Variants in NDRG4 observed in about 807,000 individuals in gnomAD.
The protein encoded by NDRG4 is protein NDRG4.
In NDRG4, 38 loss-of-function variants were observed where a neutral mutation model predicts 55.8. The observed-to-expected ratio is 0.68, with a 90% CI of 0.53 to 0.89. The LOEUF (loss-of-function observed/expected upper bound fraction) is 0.89. Ranked by LOEUF, NDRG4 falls within the 40% of genes least tolerant of loss-of-function variation. The probability of loss-of-function intolerance (pLI) is 0.00; values close to 1 mark genes in which losing one functional copy is unlikely to be tolerated. For missense variants in NDRG4, 455 were observed against 468.6 expected (o/e 0.97, Z 0.27); for synonymous variants, 190 against 182.7 (o/e 1.04, Z -0.32).
rs1315216618 is a variant in NDRG4 at position 58,470,468 on chromosome 16, C to G, written c.-24+6671C>G. On this transcript the variant is annotated intron_variant, in intron 1 of 15. Transcript: ENST00000258187. ...GGCTGTGTTGGGCTGAATAATAGCC[C>G]CCAAAGATATCCTAATCACTAGAAC... Among the ~76,000 whole-genome samples, 4 of 152,234 alleles carry G rather than the reference C, an allele frequency of 2.6e-5. No individual in the cohort carries two copies. In the East Asian group the frequency reaches 7.7e-4, roughly 29 times the overall value.
chr16:58,474,817 G>T (rs1169034444), intron 1 of NDRG4, among the ~76,000 whole-genome samples: 10 of 152,208 alleles, frequency 6.6e-5, no homozygotes, highest in African/African-American at 2.2e-4. Context: ...AATGGGGAAG[G>T]GAGGTTTCCC....
intron 1 of NDRG4, among the ~76,000 whole-genome samples, chr16:58,471,355 C>T (rs2151568398): frequency 6.6e-6 from 1 of 152,098 alleles, no homozygotes; most frequent in Admixed American, 6.5e-5. Flanking sequence ...GTGCAGATCA[C>T]ACTCAGGCCT....
chr16:58,467,584 G>GT (rs1428546163), intron 1 of NDRG4, among the ~76,000 whole-genome samples: 2 of 152,156 alleles, frequency 1.3e-5, no homozygotes, highest in East Asian at 3.8e-4. Context: ...TGCCAGTGAA[G>GT]TCAGTGACTT....
chr16:58,505,713 C>CTTTTTTTTTTT (rs1028370131), intron 5 of NDRG4, among the ~76,000 whole-genome samples: 6 of 58,660 alleles, frequency 1.0e-4, no homozygotes, highest in African/African-American at 3.1e-4. Flanking sequence ...GCTTCATTTT[C>CTTTTTTTTTTT]TTTTTTTTTT....
At chr16:58,503,988 T>C (rs2037508164) in intron 2 of NDRG4, 85 bp downstream of exon 2, 1 of 1,491,778 alleles carries the variant, frequency 6.7e-7, no homozygotes, top group Non-Finnish European at 9.3e-7. Flanking sequence ...CACAGGGCCC[T>C]GTCAGCCCCA....
At chr16:58,490,607 C>G (rs920594399) in intron 2 of NDRG4, among the ~76,000 whole-genome samples, 6 of 152,218 alleles carry the variant, frequency 3.9e-5, no homozygotes, top group African/African-American at 1.4e-4. Flanking sequence ...GTGGAGGCTT[C>G]TTCCCTCTTT....
At chr16:58,506,137 T>G in intron 5 of NDRG4, 1 of 576,968 alleles carries the variant, frequency 1.7e-6, no homozygotes, top group Non-Finnish European at 3.1e-6. Flanking sequence ...AAAGAGCGTG[T>G]GTGTGTGTGT....
chr16:58,491,842 C>T (rs1487234878), intron 2 of NDRG4, among the ~76,000 whole-genome samples: 2 of 152,076 alleles, frequency 1.3e-5, no homozygotes, highest in African/African-American at 4.8e-5. Flanking sequence ...GGGGTGTGAC[C>T]ATAACAGCCT....
upstream of NDRG4, chr16:58,499,835 G>A (rs114641947): frequency 2.4e-3 from 853 of 354,042 alleles, 5 homozygotes; most frequent in African/African-American, 0.017. Flanking sequence ...TGTACGTGTG[G>A]TCTCGGCTTT....
intron 1 of NDRG4, chr16:58,500,866 C>A: frequency 1.8e-6 from 1 of 544,192 alleles, no homozygotes; most frequent in Non-Finnish European, 2.8e-6. Flanking sequence ...GTTCCCAGGG[C>A]TCTGCTGCGC....
At chr16:58,471,840 A>C (rs1052517026) in intron 1 of NDRG4, among the ~76,000 whole-genome samples, 10 of 151,978 alleles carry the variant, frequency 6.6e-5, no homozygotes, top group Admixed American at 3.9e-4. Context: ...GCCTCTTTGG[A>C]GGGGACAGAG....
chr16:58,506,466 C>T lies in NDRG4; in HGVS notation c.452C>T (p.Ala151Val). The T allele has an allele frequency of 6.2e-7, 1 of 1,612,196 alleles. No individual in the cohort carries two copies. The highest frequency in any genetic ancestry group is 8.5e-7 in the Non-Finnish European group (1 of 1,179,482). The change falls in exon 6 of 15, where the codon GCC becomes GTC. Residue 151 changes from alanine (A) to valine (V), a missense_variant. Ala to Val is a moderately conservative substitution (Grantham distance 64). Coordinates refer to ENST00000570248, the MANE Select transcript of NDRG4 (RefSeq NM_001242835.2). Reference protein sequence around the residue: ...PNGKGWIDWAATKLSGLTSTL... With the variant: ...PNGKGWIDWAVTKLSGLTSTL... ...GGCAAAGGCTGGATAGACTGGGCTGCCACCAAGGTGTGTGTGGTGACCGGG... is the reference window on the plus strand; with the variant it reads ...GGCAAAGGCTGGATAGACTGGGCTGTCACCAAGGTGTGTGTGGTGACCGGG...
intron 1 of NDRG4, among the ~76,000 whole-genome samples, chr16:58,466,763 C>T (rs576648037): frequency 1.4e-4 from 22 of 152,324 alleles, no homozygotes; most frequent in Admixed American, 1.4e-3. Flanking sequence ...AGCTGTGTGA[C>T]TTCAGACAGG....
Position 58,506,341 on chromosome 16 carries a change from G to A in NDRG4, c.373-46G>A, listed in dbSNP as rs1473609400. ...ACTTTACAGAGTGTTTCTGCCATCTGCACCCATCCTGGCCCCGCCCGGCCC... is the reference window on the plus strand; with the variant it reads ...ACTTTACAGAGTGTTTCTGCCATCTACACCCATCCTGGCCCCGCCCGGCCC... On this transcript the variant is annotated intron_variant, in intron 5 of 14. Coordinates refer to ENST00000570248, the MANE Select transcript of NDRG4 (RefSeq NM_001242835.2). 7.0e-6 allele frequency: 11 copies of A among 1,570,888 alleles called. No homozygotes were observed. In the East Asian group the frequency reaches 9.0e-5, roughly 13 times the overall value.
intron 1 of NDRG4, among the ~76,000 whole-genome samples, chr16:58,475,248 C>A (rs1435741389): frequency 6.6e-6 from 1 of 152,186 alleles, no homozygotes; most frequent in African/African-American, 2.4e-5. Flanking sequence ...GAATTCGTGA[C>A]AAAAAGTGCC....
At chr16:58,495,957 G>A (rs952211110), upstream of NDRG4, among the ~76,000 whole-genome samples, 3 of 152,184 alleles carry the variant, frequency 2.0e-5, no homozygotes, top group Non-Finnish European at 2.9e-5. Context: ...AGGCTGGTGG[G>A]AAGGGACAGC....
chr16:58,469,325 C>T (rs1036927303), intron 1 of NDRG4, among the ~76,000 whole-genome samples: 7 of 145,346 alleles, frequency 4.8e-5, no homozygotes, highest in Non-Finnish European at 1.1e-4. Flanking sequence ...AGTAAGGAAG[C>T]GTGGTCCCTT....
intron 2 of NDRG4, among the ~76,000 whole-genome samples, chr16:58,492,311 C>T (rs1192184257): frequency 6.6e-6 from 1 of 152,134 alleles, no homozygotes; most frequent in East Asian, 1.9e-4. Flanking sequence ...GCCCGCACTG[C>T]CACCTGTTCT....
intron 3 of NDRG4, 30 bp downstream of exon 3, chr16:58,504,304 T>G (rs2037557656): frequency 6.2e-7 from 1 of 1,614,014 alleles, no homozygotes; most frequent in African/African-American, 1.3e-5. Flanking sequence ...TCTGCCTGTC[T>G]CCAGCTCTGC....
Sources: allele counts gnomAD v4.1 joint callset (sites outside exome capture counted in the v4.1 genomes callset), GRCh38; gene constraint gnomAD v4.1.1; transcripts MANE v1.5; gene names NCBI Gene and HGNC (gene_info 2026-07-23, HGNC 2026-07-21).